The following STARD10 variants were observed in gnomAD, a reference collection of about 807,000 sequenced individuals.
The protein encoded by STARD10 is StAR related lipid transfer domain containing 10.
Under a neutral mutation model 36.0 loss-of-function variants are expected in STARD10, and 24 were observed. The observed-to-expected ratio is 0.67, with a 90% confidence interval of 0.48 to 0.94. The LOEUF (loss-of-function observed/expected upper bound fraction) is 0.94. STARD10 is among the 40% of genes least tolerant of loss of function. The pLI is 0.00. For synonymous variants in STARD10, 156 were observed against 161.9 expected (o/e 0.96, Z 0.28); for missense variants, 335 against 396.6 (o/e 0.84, Z 1.32).
intron 1 of STARD10, among the ~76,000 whole-genome samples, chr11:72,792,483 A>G (rs59386840): frequency 1.3e-5 from 2 of 150,422 alleles, no homozygotes; most frequent in East Asian, 3.9e-4. Context: ...ACCTACCCCC[A>G]AAACCTCTAA....
chr11:72,761,297 A>C (rs1271062030), intron 2 of STARD10, among the ~76,000 whole-genome samples: 1 of 152,186 alleles, frequency 6.6e-6, no homozygotes, highest in African/African-American at 2.4e-5. Context: ...GACTGGCAGG[A>C]CATAACAACC....
intron 2 of STARD10, among the ~76,000 whole-genome samples, chr11:72,773,034 T>C (rs1268432721): frequency 6.6e-6 from 1 of 152,136 alleles, no homozygotes; most frequent in Non-Finnish European, 1.5e-5. Context: ...AGGTCTGATA[T>C]CTCCAGGTGG....
chr11:72,784,944 G>A (rs895649317), intron 1 of STARD10, among the ~76,000 whole-genome samples: 1 of 152,252 alleles, frequency 6.6e-6, no homozygotes, highest in Non-Finnish European at 1.5e-5. Context: ...GAGGTTGTGG[G>A]GGGCACGGGG....
At chr11:72,791,427 G>A (rs1000898598) in intron 1 of STARD10, among the ~76,000 whole-genome samples, 16 of 152,122 alleles carry the variant, frequency 1.1e-4, no homozygotes, top group South Asian at 2.1e-4. Context: ...TTTTCTGGCC[G>A]GGCGTGGTGA....
chr11:72,755,029 C>G lies in STARD10; in HGVS notation c.744G>C (p.Ala248=), dbSNP rs751642826. 1.1e-5 allele frequency: 17 copies of G among 1,613,038 alleles called. No individual in the cohort carries two copies. Among genetic ancestry groups the G allele is most frequent in the Admixed American group, 3.3e-5 (2 of 59,914 alleles). The part of the protein sequence containing the change: ...HPEQSPLPSL[A]LSELSVQHAD... ...CATGCTGCACCGACAGCTCCGACAG[C>G]GCCAGGCTCGGCAACGGGCTCTGCT... Residue 248 remains alanine, a synonymous_variant, in exon 7 of 7, where the codon GCG becomes GCC. Transcript: ENST00000334805.
Position 72,781,199 on chromosome 11 carries a change from C to G in STARD10, c.-18G>C. On this transcript the variant is annotated 5_prime_UTR_variant, in exon 2 of 7. Coordinates refer to ENST00000334805, the MANE Select transcript of STARD10 (RefSeq NM_006645.3). The surrounding 1 kb of genome is among the most constrained non-coding windows in gnomAD (Gnocchi z 4.7). ...TTCTCCATGGGGAGTGTGGGGAGGC[C>G]CAGGGCCCTGGTCCTAGTCCGGCTC... is the stretch of plus-strand genomic sequence containing the variant. 6.2e-7 allele frequency: 1 copy of G among 1,603,026 alleles called. No homozygotes were observed. Among genetic ancestry groups the G allele is most frequent in the Non-Finnish European group, 8.5e-7 (1 of 1,177,782 alleles).
At chr11:72,757,361 A>G (rs1273446703) in intron 5 of STARD10, among the ~76,000 whole-genome samples, 1 of 152,200 alleles carries the variant, frequency 6.6e-6, no homozygotes, top group Non-Finnish European at 1.5e-5. Context: ...GCCGATGGCC[A>G]CAGGAATCTG....
Position 72,759,215 on chromosome 11 carries a change from G to C in STARD10, c.355+19C>G, listed in dbSNP as rs986830276. On this transcript the variant is annotated intron_variant, in intron 3 of 6. Transcript: ENST00000334805. ...ATGGAGGCCAAGGGGACTGGGATCA[G>C]CGTGCTACGCCTGCTCACAGGAGTA... The C allele has an allele frequency of 1.9e-6, 3 of 1,613,352 alleles. No individual in the cohort carries two copies. The Middle Eastern group carries it at 5.0e-4, about 268-fold the overall frequency.
chr11:72,756,319 C>T (rs545315021), intron 5 of STARD10, among the ~76,000 whole-genome samples: 60 of 152,264 alleles, frequency 3.9e-4, no homozygotes, highest in African/African-American at 1.4e-3. Context: ...GACCACTGTG[C>T]GCTCTGGGGC....
chr11:72,792,405 C>T (rs1046809106), intron 1 of STARD10, among the ~76,000 whole-genome samples: 2 of 152,030 alleles, frequency 1.3e-5, no homozygotes, highest in Admixed American at 6.6e-5. Context: ...CATATACCTG[C>T]CTTTCATGAC....
At chr11:72,756,601 G>A (rs1858647834) in intron 5 of STARD10, among the ~76,000 whole-genome samples, 1 of 152,112 alleles carries the variant, frequency 6.6e-6, no homozygotes, top group Non-Finnish European at 1.5e-5. Context: ...GGAGGCTTCG[G>A]GGAAGGGCTG....
At chr11:72,768,790 G>A (rs1047995853) in intron 2 of STARD10, among the ~76,000 whole-genome samples, 2 of 152,216 alleles carry the variant, frequency 1.3e-5, no homozygotes. Flanking sequence ...TGCCTGCAAT[G>A]CTGTGGCCCC....
intron 2 of STARD10, among the ~76,000 whole-genome samples, chr11:72,771,935 C>A (rs1476679756): frequency 6.6e-6 from 1 of 152,152 alleles, no homozygotes; most frequent in Non-Finnish European, 1.5e-5. Context: ...CTTCAGACAT[C>A]AAGACAGGCA....
At chr11:72,773,417 G>A (rs561731741) in intron 2 of STARD10, among the ~76,000 whole-genome samples, 96 of 152,300 alleles carry the variant, frequency 6.3e-4, no homozygotes, top group African/African-American at 2.2e-3. Context: ...AGCCAGGGGC[G>A]GGAGCTGCCA....
In STARD10 at chr11:72,793,293, G is replaced by GGTAA. The variant is rs1859172429; in HGVS notation, c.-536_-533dup. On this transcript the variant is annotated 5_prime_UTR_variant, in exon 1 of 7. The change creates a premature stop within an existing upstream ORF in the 5' untranslated region. Coordinates refer to ENST00000334805, the MANE Select transcript of STARD10 (RefSeq NM_006645.3). ...ATATTTTGCCTTTATATACCGCGTG[G>GGTAA]GTAAATTCCTGAAAGTAAACTAAGC... is the stretch of plus-strand genomic sequence containing the variant. 1 of 152,152 alleles carries GGTAA rather than the reference G, an allele frequency of 6.6e-6. No individual in the cohort carries two copies. The highest frequency in any genetic ancestry group is 6.6e-5 in the Admixed American group (1 of 15,266). 9.4% of individuals were successfully genotyped at this position (152,152 alleles called of 1,614,324 possible). A position where few individuals can be genotyped will look rare whatever the true frequency, so the allele number is the denominator to read the frequency against.
At chr11:72,758,495 C>A in intron 4 of STARD10, 35 bp downstream of exon 4, 1 of 1,571,774 alleles carries the variant, frequency 6.4e-7, no homozygotes, top group Non-Finnish European at 8.8e-7. Flanking sequence ...TGACCCTCTC[C>A]CCTGCTCCAC....
intron 2 of STARD10, among the ~76,000 whole-genome samples, chr11:72,764,983 G>A (rs1274377343): frequency 2.0e-5 from 3 of 152,142 alleles, no homozygotes; most frequent in African/African-American, 7.2e-5. Context: ...GAGAAAACAG[G>A]CCAGCCAGGT....
At chr11:72,789,430 G>A (rs1211249809) in intron 1 of STARD10, among the ~76,000 whole-genome samples, 1 of 152,196 alleles carries the variant, frequency 6.6e-6, no homozygotes, top group Non-Finnish European at 1.5e-5. Flanking sequence ...GGTTGAGAGG[G>A]AAGAGAGGTA....
At chr11:72,776,322 G>A (rs940472671) in intron 2 of STARD10, among the ~76,000 whole-genome samples, 15 of 152,204 alleles carry the variant, frequency 9.9e-5, no homozygotes, top group Non-Finnish European at 2.1e-4. Flanking sequence ...ACAGCAGGCA[G>A]AGCCAAGCTA....
Sources: gnomAD v4.1 joint callset for allele counts (sites outside exome capture counted in the v4.1 genomes callset) on GRCh38, gnomAD v4.1.1 for gene constraint, Gnocchi (gnomAD v3.1) non-coding constraint, MANE v1.5 for transcripts, NCBI Gene and HGNC (gene_info 2026-07-23, HGNC 2026-07-21) for gene names.